Variants in PDE1A observed in about 807,000 individuals in gnomAD.
PDE1A encodes dual specificity calcium/calmodulin-dependent 3',5'-cyclic nucleotide phosphodiesterase 1A.
In PDE1A, 35 loss-of-function variants were observed where a neutral mutation model predicts 61.7. The ratio of observed to expected loss-of-function variants is 0.57; its 90% confidence interval spans 0.43 to 0.75. The LOEUF is 0.75. PDE1A is among the 30% of genes least tolerant of loss of function. The pLI, the probability that PDE1A is intolerant of heterozygous loss-of-function variation, is 0.00. For missense variants in PDE1A, 597 were observed against 630.6 expected (o/e 0.95, Z 0.57); for synonymous variants, 232 against 213.2 (o/e 1.09, Z -0.77).
At chr2:182,602,470 A>C in the PDE1A span, among the ~76,000 whole-genome samples, 1 of 152,274 alleles carries the variant, frequency 6.6e-6, no homozygotes, top group Non-Finnish European at 1.5e-5. Flanking sequence ...CCTCAGATGG[A>C]CATGGAACTA....
intron 8 of PDE1A, among the ~76,000 whole-genome samples, chr2:182,204,261 G>A (rs1183857285): frequency 6.6e-6 from 1 of 152,156 alleles, no homozygotes; most frequent in Admixed American, 6.5e-5. Context: ...TTGTCTGCTT[G>A]TTCCTACCTT....
chr2:182,425,557 T>C (rs899033837), intron 1 of PDE1A, among the ~76,000 whole-genome samples: 1 of 152,186 alleles, frequency 6.6e-6, no homozygotes, highest in African/African-American at 2.4e-5. Context: ...TACAAAGGTA[T>C]AATGTTGCTA....
intron 2 of PDE1A, among the ~76,000 whole-genome samples, chr2:182,435,120 A>G (rs1328665585): frequency 6.6e-6 from 1 of 152,046 alleles, no homozygotes; most frequent in Non-Finnish European, 1.5e-5. Context: ...AAAACTTCCT[A>G]TAAGTAGTGT....
rs1211552752 is a variant in PDE1A, at chr2:182,255,642, TTTTC to T, written c.167+8655_167+8658del. 2.3e-3 allele frequency among the ~76,000 whole-genome samples: 356 copies of T among 151,528 alleles called. 2 individuals carry two copies. The highest frequency in any genetic ancestry group is 7.8e-3 in the African/African-American group (320 of 41,230). On this transcript the variant is annotated intron_variant, in intron 2 of 13. Transcript: ENST00000351439. Reference sequence around the variant, plus strand: ...ACTCCAAGTTCATCTACACTTTTTCTTTTCTTTCTTTCTTTTCTTTTTTTTTTTT... The same window carrying T: ...ACTCCAAGTTCATCTACACTTTTTCTTTTCTTTCTTTTCTTTTTTTTTTTT...
intron 1 of PDE1A, among the ~76,000 whole-genome samples, chr2:182,339,435 C>A (rs1244627663): frequency 1.3e-5 from 2 of 152,084 alleles, no homozygotes; most frequent in Non-Finnish European, 2.9e-5. Flanking sequence ...CTATAAAATT[C>A]AAACACAATC....
chr2:182,333,346 C>A (rs1697554659), intron 1 of PDE1A, among the ~76,000 whole-genome samples: 1 of 152,136 alleles, frequency 6.6e-6, no homozygotes, highest in Non-Finnish European at 1.5e-5. Context: ...CACTCCTCAG[C>A]AAATGCAAAA....
chr2:182,155,417 C>T (rs2125283764), intron 13 of PDE1A, among the ~76,000 whole-genome samples: 1 of 152,172 alleles, frequency 6.6e-6, no homozygotes, highest in South Asian at 2.1e-4. Context: ...ATGCAATAAC[C>T]TTAAAATGAT....
At chr2:182,531,352 C>A in the PDE1A span, among the ~76,000 whole-genome samples, 1 of 135,198 alleles carries the variant, frequency 7.4e-6, no homozygotes. Context: ...TGTAAAAGCT[C>A]AAATGGATTA....
intron 2 of PDE1A, among the ~76,000 whole-genome samples, chr2:182,438,072 G>T (rs1574656256): frequency 6.6e-6 from 1 of 151,832 alleles, no homozygotes; most frequent in Non-Finnish European, 1.5e-5. Flanking sequence ...TCAAGGTCAA[G>T]TTATTCACCT....
chr2:182,318,519 T>C (rs534762029), intron 1 of PDE1A, among the ~76,000 whole-genome samples: 2 of 152,266 alleles, frequency 1.3e-5, no homozygotes, highest in South Asian at 4.1e-4. Context: ...ACAGATAGCA[T>C]TGTTAGGAGG....
chr2:182,431,132 A>AC (rs1019419392), upstream of PDE1A, among the ~76,000 whole-genome samples: 2 of 150,136 alleles, frequency 1.3e-5, no homozygotes, highest in South Asian at 2.1e-4. Context: ...AAAAAAAAAA[A>AC]AAAAAAAAAC....
chr2:182,715,517 G>C, the PDE1A span, among the ~76,000 whole-genome samples: 3 of 152,272 alleles, frequency 2.0e-5, no homozygotes, highest in African/African-American at 7.2e-5. Flanking sequence ...GATGTTATAA[G>C]CAGGTATCCT....
At chr2:182,351,442 C>A (rs1041145405) in intron 1 of PDE1A, among the ~76,000 whole-genome samples, 4 of 152,106 alleles carry the variant, frequency 2.6e-5, no homozygotes, top group African/African-American at 9.7e-5. Flanking sequence ...TGATTAGACA[C>A]ATTTTGCAGC....
the PDE1A span, among the ~76,000 whole-genome samples, chr2:182,710,834 C>T: frequency 1.3e-5 from 2 of 152,112 alleles, no homozygotes; most frequent in East Asian, 1.9e-4. Context: ...ACATTTTTCT[C>T]GAATCTGTTT....
the PDE1A span, among the ~76,000 whole-genome samples, chr2:182,648,836 T>C: frequency 2.6e-4 from 39 of 152,284 alleles, no homozygotes; most frequent in Admixed American, 8.5e-4. Flanking sequence ...CCAGTCACAT[T>C]TTTATCATCT....
chr2:182,663,492 A>G, the PDE1A span, among the ~76,000 whole-genome samples: 9 of 152,342 alleles, frequency 5.9e-5, no homozygotes, highest in African/African-American at 2.2e-4. Context: ...CTATGCAGTC[A>G]TAAAAATGAA....
intron 1 of PDE1A, among the ~76,000 whole-genome samples, chr2:182,315,291 C>A (rs1574329764): frequency 6.6e-6 from 1 of 152,144 alleles, no homozygotes; most frequent in African/African-American, 2.4e-5. Flanking sequence ...TTCAAGCATT[C>A]ATTTATCCAT....
the PDE1A span, among the ~76,000 whole-genome samples, chr2:182,678,083 G>A: frequency 3.9e-5 from 6 of 152,160 alleles, no homozygotes; most frequent in Non-Finnish European, 8.8e-5. Context: ...ACTATCACAA[G>A]TACTATTTCA....
intron 2 of PDE1A, among the ~76,000 whole-genome samples, chr2:182,455,584 A>G (rs1685857544): frequency 6.6e-6 from 1 of 152,220 alleles, no homozygotes. Flanking sequence ...GCCATAAAAA[A>G]TGAAGAGTTC....
Sources: allele counts gnomAD v4.1 joint callset (sites outside exome capture counted in the v4.1 genomes callset), GRCh38; gene constraint gnomAD v4.1.1; transcripts MANE v1.5; gene names NCBI Gene and HGNC (gene_info 2026-07-23, HGNC 2026-07-21).